ITGAV: variants seen among roughly 807,000 people sequenced by gnomAD.
The protein encoded by ITGAV is integrin alpha-V.
A neutral mutation model predicts 143.8 loss-of-function variants in ITGAV; 76 were observed. That is an observed-to-expected ratio of 0.53 (90% CI 0.44 to 0.64). The LOEUF (loss-of-function observed/expected upper bound fraction) is 0.64, where lower values mean the gene tolerates loss of function less well. Ranked by LOEUF, ITGAV falls within the 30% of genes least tolerant of loss-of-function variation. The pLI is 0.00. For missense variants in ITGAV, 1,193 were observed against 1,274.7 expected (o/e 0.94, Z 0.98); for synonymous variants, 453 against 446.7 (o/e 1.01, Z -0.18).
chr2:186,672,871 CTT>C (rs1326265269), intron 26 of ITGAV, among the ~76,000 whole-genome samples: 1 of 152,090 alleles, frequency 6.6e-6, no homozygotes, highest in Non-Finnish European at 1.5e-5. Flanking sequence ...TGTGAACTGT[CTT>C]TTTACTTTCT....
intron 1 of ITGAV, among the ~76,000 whole-genome samples, chr2:186,598,292 T>TACACACAC (rs762146049): frequency 1.7e-3 from 75 of 43,806 alleles, no homozygotes; most frequent in African/African-American, 4.6e-3. Context: ...TATTATAATT[T>TACACACAC]ATACACACAC....
Position 186,641,433 on chromosome 2 carries a change from C to T in ITGAV, c.1004C>T (p.Ser335Phe), listed in dbSNP as rs1559054905. 1 of 1,614,158 alleles carries T rather than the reference C, an allele frequency of 6.2e-7. No individual in the cohort carries two copies. Among genetic ancestry groups the T allele is most frequent in the East Asian group, 2.2e-5 (1 of 44,870 alleles). ...IGAPLFMDRG[S>F]DGKLQEVGQV... ...GCACCTCTCTTCATGGATCGTGGCT[C>T]TGATGGCAAACTCCAAGAGGTGGGG... Residue 335 changes from serine to phenylalanine, a missense_variant, in exon 12 of 30, where the codon TCT becomes TTT. Transcript: ENST00000261023.
chr2:186,603,389 G>C (rs1559039223), intron 2 of ITGAV, among the ~76,000 whole-genome samples: 1 of 152,108 alleles, frequency 6.6e-6, no homozygotes, highest in Non-Finnish European at 1.5e-5. Context: ...TGTGATCAGT[G>C]CCAAAATGAT....
At chr2:186,654,606 A>G (rs1181716021) in intron 15 of ITGAV, 44 bp from the exon 16 acceptor site, 2 of 995,652 alleles carry the variant, frequency 2.0e-6, no homozygotes, top group Non-Finnish European at 3.1e-6. Flanking sequence ...AAATATGTCT[A>G]AACTGAATTA....
At chr2:186,669,396 A>G (rs776314771) in intron 25 of ITGAV, among the ~76,000 whole-genome samples, 2 of 152,248 alleles carry the variant, frequency 1.3e-5, no homozygotes, top group Non-Finnish European at 2.9e-5. Flanking sequence ...AGATATACCC[A>G]TGATTGACAT....
At position 186,625,553 on chromosome 2, in the gene ITGAV, A is replaced by G. The variant is rs778594120; in HGVS notation, c.489A>G (p.Gly163=). 1 of 1,613,784 alleles carries G rather than the reference A, an allele frequency of 6.2e-7. No individual in the cohort carries two copies. The highest frequency in any genetic ancestry group is 8.5e-7 in the Non-Finnish European group (1 of 1,179,790). ...TTGGAACATGCTTTCTTCAAGATGG[A>G]ACAAAGACTGTTGAGTATGCTCCAT... The part of the protein sequence containing the change: ...EPVGTCFLQD[G]TKTVEYAPCR... The change falls in exon 4 of 30, where the codon GGA becomes GGG. Residue 163 remains glycine (G), a synonymous_variant. Coordinates refer to ENST00000261023, the MANE Select transcript of ITGAV (RefSeq NM_002210.5).
chr2:186,614,261 C>A (rs1055379634), intron 2 of ITGAV, among the ~76,000 whole-genome samples: 6 of 151,866 alleles, frequency 4.0e-5, no homozygotes, highest in African/African-American at 1.2e-4. Context: ...ATAGGATATA[C>A]TTTTGTGTGT....
At chr2:186,674,565 G>A (rs1312652241) in intron 26 of ITGAV, among the ~76,000 whole-genome samples, 1 of 151,834 alleles carries the variant, frequency 6.6e-6, no homozygotes. Context: ...AGGCTGGAGT[G>A]CAGTGACATG....
chr2:186,596,542 T>G (rs1559036254), intron 1 of ITGAV, among the ~76,000 whole-genome samples: 2 of 150,580 alleles, frequency 1.3e-5, no homozygotes, highest in Non-Finnish European at 1.5e-5. Context: ...CTTCGCCTCC[T>G]GGATTCAAGC....
At chr2:186,590,837 TC>T (rs895174500) in intron 1 of ITGAV, among the ~76,000 whole-genome samples, 2 of 152,176 alleles carry the variant, frequency 1.3e-5, no homozygotes, top group Non-Finnish European at 2.9e-5. Flanking sequence ...CTTGCCGGAC[TC>T]CCCGCCTCCT....
At position 186,669,766 on chromosome 2, in the gene ITGAV, C is replaced by T. The variant is rs1188819579; in HGVS notation, c.2658C>T (p.Leu886=). 4.3e-6 allele frequency: 7 copies of T among 1,614,114 alleles called. No individual in the cohort carries two copies. The highest frequency in any genetic ancestry group is 5.9e-6 in the Non-Finnish European group (7 of 1,180,004). ...TVAGQGERDH[L]ITKRDLALSE... ...CCGGGCAAGGTGAGCGGGACCATCT[C>T]ATCACTAAGCGGGATCTTGCCCTCA... Residue 886 remains leucine, a synonymous_variant, in exon 26 of 30, where the codon CTC becomes CTT. Coordinates refer to ENST00000261023, the MANE Select transcript of ITGAV (RefSeq NM_002210.5).
intron 3 of ITGAV, 83 bp downstream of exon 3, chr2:186,622,513 A>T (rs1292945790): frequency 1.2e-6 from 1 of 866,322 alleles, no homozygotes; most frequent in Non-Finnish European, 2.0e-6. Context: ...TCAGGCTGAT[A>T]GTAAAATTCA....
At chr2:186,606,267 A>G (rs941034186) in intron 2 of ITGAV, among the ~76,000 whole-genome samples, 10 of 152,160 alleles carry the variant, frequency 6.6e-5, no homozygotes, top group Non-Finnish European at 1.3e-4. Flanking sequence ...GGGAGACAGA[A>G]GCTGAGCAGA....
chr2:186,600,307 C>A, intron 1 of ITGAV: 1 of 1,538,206 alleles, frequency 6.5e-7, no homozygotes, highest in Non-Finnish European at 8.8e-7. Context: ...ATCCCCACCC[C>A]CCACTCCCCT....
At chr2:186,635,032 A>G (rs1269834980) in intron 6 of ITGAV, among the ~76,000 whole-genome samples, 1 of 152,084 alleles carries the variant, frequency 6.6e-6, no homozygotes, top group Non-Finnish European at 1.5e-5. Context: ...AATAGGAATA[A>G]TAATAAATAG....
intron 6 of ITGAV, among the ~76,000 whole-genome samples, chr2:186,634,529 T>A (rs1166173899): frequency 1.3e-5 from 2 of 151,650 alleles, no homozygotes; most frequent in Admixed American, 1.3e-4. Flanking sequence ...GATGACAGGA[T>A]GGAAGGAGAA....
At chr2:186,644,552 T>G (rs1688198010) in intron 12 of ITGAV, among the ~76,000 whole-genome samples, 1 of 151,192 alleles carries the variant, frequency 6.6e-6, no homozygotes, top group African/African-American at 2.4e-5. Context: ...TCTCAATCTC[T>G]TGACCTCGTG....
Position 186,636,080 on chromosome 2 carries a change from AG to A in ITGAV, c.632del. ...TTATTTTATATATACACCCTTTTTT[AG>A]GTCAGCTTATTTCGGATCAAGTGGC... On this transcript the variant is annotated splice_acceptor_variant, in intron 6 of 29. Coordinates refer to ENST00000261023, the MANE Select transcript of ITGAV (RefSeq NM_002210.5). LOFTEE classifies it high-confidence loss of function. 6.2e-7 allele frequency: 1 copy of A among 1,609,438 alleles called. No homozygotes were observed. The highest frequency in any genetic ancestry group is 8.5e-7 in the Non-Finnish European group (1 of 1,178,244).
chr2:186,655,625 C>G (rs1297254624), intron 16 of ITGAV, among the ~76,000 whole-genome samples: 1 of 152,186 alleles, frequency 6.6e-6, no homozygotes, highest in Non-Finnish European at 1.5e-5. Flanking sequence ...TAAAGATTTG[C>G]ACTCTCTTAA....
Sources: gnomAD v4.1 joint callset for allele counts (sites outside exome capture counted in the v4.1 genomes callset) on GRCh38, gnomAD v4.1.1 for gene constraint, MANE v1.5 for transcripts, NCBI Gene and HGNC (gene_info 2026-07-23, HGNC 2026-07-21) for gene names.